COG5: variants seen among roughly 807,000 people sequenced by gnomAD.
COG5 encodes the protein component of oligomeric golgi complex 5.
A neutral mutation model predicts 110.4 loss-of-function variants in COG5; 86 were observed. The ratio of observed to expected loss-of-function variants is 0.78; its 90% CI spans 0.65 to 0.93. The LOEUF (loss-of-function observed/expected upper bound fraction) is 0.93. Among genes scored for constraint, COG5 ranks in the 40% least tolerant of loss-of-function variants. The probability of loss-of-function intolerance (pLI) is 0.00; values close to 1 mark genes in which losing one functional copy is unlikely to be tolerated. For synonymous variants in COG5, 360 were observed against 334.6 expected, an observed-to-expected ratio of 1.08 and a Z score of -0.83; for missense variants, 1,077 against 987.0, an observed-to-expected ratio of 1.09 and a Z score of -1.22.
At chr7:107,298,553 C>T (rs79231796) in intron 11 of COG5, among the ~76,000 whole-genome samples, 3,316 of 151,992 alleles carry the variant, frequency 0.022, 58 homozygotes, top group Non-Finnish European at 0.035. Context: ...ATTTTGAAAC[C>T]TAATCTATAT....
intron 17 of COG5, among the ~76,000 whole-genome samples, chr7:107,245,851 GA>G (rs58982075): frequency 6.6e-6 from 1 of 152,028 alleles, no homozygotes; most frequent in Non-Finnish European, 1.5e-5. Flanking sequence ...TTCACAGAAC[GA>G]AAAACAAACT....
intron 17 of COG5, among the ~76,000 whole-genome samples, chr7:107,240,496 G>A (rs746628286): frequency 5.3e-5 from 8 of 152,180 alleles, no homozygotes; most frequent in African/African-American, 1.4e-4. Flanking sequence ...GATTACAGGC[G>A]TGAGCCACCA....
chr7:107,527,286 T>C lies in COG5; in HGVS notation c.489A>G (p.Gln163=), dbSNP rs770203797. The C allele has an allele frequency of 1.2e-6, 2 of 1,611,668 alleles. No individual in the cohort carries two copies. The highest frequency in any genetic ancestry group is 1.3e-5 in the African/African-American group (1 of 74,830). ...CTTTTGTTATCTCTCTACTTCCCCC[T>C]TGCAGTTGTCCTTGGAGTCTCTTAC... The part of the protein sequence containing the change: ...NLSKRLQGQL[Q]GGSREITKAA... Residue 163 remains glutamine, a synonymous_variant, in exon 6 of 22, where the codon CAA becomes CAG. Coordinates refer to ENST00000297135, the MANE Select transcript of COG5 (RefSeq NM_006348.5).
chr7:107,429,918 T>C (rs1181560292), intron 6 of COG5, among the ~76,000 whole-genome samples: 3 of 152,216 alleles, frequency 2.0e-5, no homozygotes, highest in Admixed American at 6.5e-5. Context: ...CTCTTGGGTA[T>C]GTCTTTATCA....
intron 6 of COG5, among the ~76,000 whole-genome samples, chr7:107,514,844 T>A (rs1263746187): frequency 1.3e-5 from 2 of 152,310 alleles, no homozygotes; most frequent in East Asian, 1.9e-4. Flanking sequence ...TTTTTTATTG[T>A]TACTTCATGC....
chr7:107,489,074 T>A (rs1222933762), intron 6 of COG5, among the ~76,000 whole-genome samples: 1 of 152,146 alleles, frequency 6.6e-6, no homozygotes, highest in African/African-American at 2.4e-5. Context: ...GGCCAGGCTA[T>A]GAAAACTATA....
chr7:107,407,768 C>T (rs1399832523), intron 7 of COG5, among the ~76,000 whole-genome samples: 2 of 151,928 alleles, frequency 1.3e-5, no homozygotes, highest in Middle Eastern at 3.4e-3. Context: ...TAAATTCGAC[C>T]AGTAACTGTG....
chr7:107,210,316 T>C (rs886755797), intron 21 of COG5: 1 of 1,426,732 alleles, frequency 7.0e-7, no homozygotes, highest in Non-Finnish European at 9.1e-7. Context: ...GATATGAAGG[T>C]TTGGAATGAA....
At chr7:107,289,961 C>A (rs1806028394) in intron 12 of COG5, among the ~76,000 whole-genome samples, 1 of 152,194 alleles carries the variant, frequency 6.6e-6, no homozygotes, top group African/African-American at 2.4e-5. Context: ...CAAACAGCTG[C>A]AAGATGGAAG....
chr7:107,234,973 C>T (rs1424589793), intron 18 of COG5, among the ~76,000 whole-genome samples: 1 of 152,066 alleles, frequency 6.6e-6, no homozygotes, highest in Non-Finnish European at 1.5e-5. Flanking sequence ...GTAAAAAGAG[C>T]CATATTAATG....
intron 6 of COG5, among the ~76,000 whole-genome samples, chr7:107,421,798 T>C (rs564694259): frequency 6.6e-6 from 1 of 151,886 alleles, no homozygotes; most frequent in South Asian, 2.1e-4. Flanking sequence ...TTGATCATAA[T>C]GGAATCAAAT....
chr7:107,450,115 CT>C (rs1409514170), intron 6 of COG5: 1 of 152,544 alleles, frequency 6.6e-6, no homozygotes, highest in Non-Finnish European at 1.5e-5. Context: ...GTTGAAATCA[CT>C]GGTAAATATG....
chr7:107,425,765 T>A (rs1793604733), intron 6 of COG5, among the ~76,000 whole-genome samples: 1 of 152,144 alleles, frequency 6.6e-6, no homozygotes, highest in Non-Finnish European at 1.5e-5. Context: ...ACAATAATAA[T>A]AAACATTCAT....
chr7:107,330,406 T>C (rs955506445), intron 10 of COG5, among the ~76,000 whole-genome samples: 7 of 152,252 alleles, frequency 4.6e-5, no homozygotes, highest in African/African-American at 1.4e-4. Flanking sequence ...TTTAGAATTA[T>C]GGCTTGGCCT....
At chr7:107,510,868 C>A (rs542462542) in intron 6 of COG5, among the ~76,000 whole-genome samples, 34 of 152,228 alleles carry the variant, frequency 2.2e-4, no homozygotes, top group African/African-American at 7.9e-4. Flanking sequence ...CACAACATAC[C>A]AGTATCTCTG....
chr7:107,484,253 T>C (rs1797522181), intron 6 of COG5, among the ~76,000 whole-genome samples: 1 of 151,942 alleles, frequency 6.6e-6, no homozygotes, highest in Admixed American at 6.6e-5. Flanking sequence ...CTGAACTAAA[T>C]GAAAAAATAA....
At chr7:107,407,610 G>A (rs917868794) in intron 7 of COG5, among the ~76,000 whole-genome samples, 3 of 148,260 alleles carry the variant, frequency 2.0e-5, no homozygotes, top group African/African-American at 7.5e-5. Context: ...ACATTATTAA[G>A]CATCTTCTTT....
intron 17 of COG5, among the ~76,000 whole-genome samples, chr7:107,246,001 T>C (rs1470803688): frequency 6.6e-6 from 1 of 152,160 alleles, no homozygotes; most frequent in East Asian, 1.9e-4. Context: ...AGAATGGTAC[T>C]GGTACAAAAA....
chr7:107,219,511 G>A (rs1422925576), intron 19 of COG5, among the ~76,000 whole-genome samples: 1 of 152,180 alleles, frequency 6.6e-6, no homozygotes, highest in Non-Finnish European at 1.5e-5. Flanking sequence ...CCTTCAAAAA[G>A]AAGCAAATCC....
Sources: gnomAD v4.1 joint callset for allele counts (sites outside exome capture counted in the v4.1 genomes callset) on GRCh38, gnomAD v4.1.1 for gene constraint, MANE v1.5 for transcripts, NCBI Gene and HGNC (gene_info 2026-07-23, HGNC 2026-07-21) for gene names.